GBE1: variants seen among roughly 807,000 people sequenced by gnomAD.
The protein encoded by GBE1 is 1,4-alpha-glucan-branching enzyme.
Under a neutral mutation model 88.8 loss-of-function variants are expected in GBE1, and 70 were observed. The observed-to-expected ratio is 0.79, with a 90% confidence interval of 0.65 to 0.96. The LOEUF is 0.96. GBE1 is among the 40% of genes least tolerant of loss of function. GBE1 has a pLI of 0.00. For missense variants in GBE1, 872 were observed against 871.0 expected (o/e 1.00, Z -0.01); for synonymous variants, 284 against 300.1 (o/e 0.95, Z 0.56).
intron 14 of GBE1, among the ~76,000 whole-genome samples, chr3:81,503,677 C>G (rs562489952): frequency 2.0e-5 from 3 of 152,076 alleles, no homozygotes; most frequent in Non-Finnish European, 4.4e-5. Context: ...CAAAGGCAGA[C>G]AGCTTGTTAA....
intron 3 of GBE1, among the ~76,000 whole-genome samples, chr3:81,663,462 G>C (rs1705059321): frequency 6.6e-6 from 1 of 152,134 alleles, no homozygotes; most frequent in Non-Finnish European, 1.5e-5. Context: ...AGGAGAGCCA[G>C]AGCCACTGAA....
chr3:81,515,221 T>C (rs1199404162), intron 14 of GBE1, among the ~76,000 whole-genome samples: 1 of 151,580 alleles, frequency 6.6e-6, no homozygotes, highest in African/African-American at 2.4e-5. Flanking sequence ...ATAGCATGTG[T>C]TCACTTTGTG....
At chr3:81,536,770 A>G (rs762824132) in intron 13 of GBE1, 141 bp downstream of exon 13, 9 of 523,658 alleles carry the variant, frequency 1.7e-5, no homozygotes, top group Non-Finnish European at 2.6e-5. Flanking sequence ...TGTTTTGACA[A>G]CCTGAAGTAT....
chr3:81,531,835 G>A (rs1703014709), intron 14 of GBE1, among the ~76,000 whole-genome samples: 1 of 152,026 alleles, frequency 6.6e-6, no homozygotes, highest in Non-Finnish European at 1.5e-5. Flanking sequence ...AAATTTATCT[G>A]GAACCCCAGG....
At chr3:81,595,832 CTA>C (rs1703948765) in intron 7 of GBE1, among the ~76,000 whole-genome samples, 1 of 151,858 alleles carries the variant, frequency 6.6e-6, no homozygotes, top group Non-Finnish European at 1.5e-5. Flanking sequence ...TTGGGAATAA[CTA>C]TGTTAGTAGA....
intron 2 of GBE1, among the ~76,000 whole-genome samples, chr3:81,703,479 C>T (rs1006514020): frequency 2.0e-5 from 3 of 151,696 alleles, no homozygotes; most frequent in East Asian, 1.9e-4. Context: ...CTACAAGAGG[C>T]GATAGAGCAC....
chr3:81,530,881 G>T (rs1703003046), intron 14 of GBE1, among the ~76,000 whole-genome samples: 1 of 151,862 alleles, frequency 6.6e-6, no homozygotes, highest in Admixed American at 6.6e-5. Flanking sequence ...GGTGCATCCT[G>T]CCAGGCCTGG....
At chr3:81,680,619 T>G (rs898760253) in intron 2 of GBE1, among the ~76,000 whole-genome samples, 1 of 152,196 alleles carries the variant, frequency 6.6e-6, no homozygotes. Flanking sequence ...GTGACTTGCA[T>G]TATTGATCTC....
At position 81,735,015 on chromosome 3, in the gene GBE1, T is replaced by G. The variant is rs145686152; in HGVS notation, c.143+26360A>C. 7.2e-4 allele frequency among the ~76,000 whole-genome samples: 109 copies of G among 152,302 alleles called. 2 individuals carry two copies. Among genetic ancestry groups the G allele is most frequent in the Admixed American group, 2.0e-3 (30 of 15,298 alleles). ...TATCTGATGTATCTACACTGTCTAT[T>G]TTACCTGCCACTTAGTCATTTAGTA... On this transcript the variant is annotated intron_variant, in intron 1 of 15. Coordinates refer to ENST00000429644, the MANE Select transcript of GBE1 (RefSeq NM_000158.4).
chr3:81,714,580 T>C (rs936567634), intron 1 of GBE1, among the ~76,000 whole-genome samples: 1 of 152,138 alleles, frequency 6.6e-6, no homozygotes, highest in African/African-American at 2.4e-5. Flanking sequence ...ATAATATAGG[T>C]GGCTTCCTGA....
intron 2 of GBE1, among the ~76,000 whole-genome samples, chr3:81,702,739 C>A (rs371584262): frequency 5.3e-5 from 8 of 152,158 alleles, no homozygotes; most frequent in African/African-American, 1.9e-4. Context: ...TAACAGAGGA[C>A]ATTTTTACAA....
At chr3:81,616,749 T>C (rs1261869116) in intron 7 of GBE1, among the ~76,000 whole-genome samples, 1 of 152,152 alleles carries the variant, frequency 6.6e-6, no homozygotes, top group Non-Finnish European at 1.5e-5. Flanking sequence ...AAGAATTTGA[T>C]AGGAATTGTC....
chr3:81,622,827 C>A (rs1218319808), intron 7 of GBE1, among the ~76,000 whole-genome samples: 1 of 152,156 alleles, frequency 6.6e-6, no homozygotes, highest in Non-Finnish European at 1.5e-5. Context: ...ACCAATCACT[C>A]AGCAAGTTCT....
At chr3:81,697,081 GC>G (rs955010107) in intron 2 of GBE1, among the ~76,000 whole-genome samples, 6 of 152,018 alleles carry the variant, frequency 3.9e-5, no homozygotes, top group Non-Finnish European at 7.4e-5. Context: ...CCCCAAGACT[GC>G]CCCCCACACC....
chr3:81,613,733 C>G (rs1704211743), intron 7 of GBE1, among the ~76,000 whole-genome samples: 1 of 152,080 alleles, frequency 6.6e-6, no homozygotes, highest in Admixed American at 6.6e-5. Flanking sequence ...CTAATGATGG[C>G]TTGGGCCCTG....
At chr3:81,760,926 T>C (rs1706671509) in intron 1 of GBE1, among the ~76,000 whole-genome samples, 1 of 152,222 alleles carries the variant, frequency 6.6e-6, no homozygotes, top group Admixed American at 6.5e-5. Flanking sequence ...AATCACAACA[T>C]TTGCTATGAA....
intron 1 of GBE1, among the ~76,000 whole-genome samples, chr3:81,716,442 G>A (rs749705338): frequency 7.9e-5 from 12 of 152,146 alleles, no homozygotes; most frequent in Non-Finnish European, 1.8e-4. Flanking sequence ...GGCCATAGAT[G>A]TGAGGGGGTC....
At chr3:81,563,945 C>CGAAGGAAGGAAGGAAGGAAGGAACGGAG (rs201365439) in intron 12 of GBE1, among the ~76,000 whole-genome samples, 79 of 148,296 alleles carry the variant, frequency 5.3e-4, no homozygotes, top group African/African-American at 1.9e-3. Flanking sequence ...AAGGAAGGGA[C>CGAAGGAAGGAAGGAAGGAAGGAACGGAG]GAAGGAAGGA....
At chr3:81,624,637 A>C (rs1240281656) in intron 7 of GBE1, among the ~76,000 whole-genome samples, 1 of 152,130 alleles carries the variant, frequency 6.6e-6, no homozygotes, top group African/African-American at 2.4e-5. Context: ...TGGACTTTAG[A>C]TGTGATACAC....
Sources: gnomAD v4.1 joint callset for allele counts (sites outside exome capture counted in the v4.1 genomes callset) on GRCh38, gnomAD v4.1.1 for gene constraint, MANE v1.5 for transcripts, NCBI Gene and HGNC (gene_info 2026-07-23, HGNC 2026-07-21) for gene names.